The following NCALD variants were observed in gnomAD, a reference collection of about 807,000 sequenced individuals.
NCALD encodes neurocalcin-delta.
Under a neutral mutation model 18.6 loss-of-function variants are expected in NCALD, and 10 were observed. That is an observed-to-expected ratio of 0.54 (90% CI 0.33 to 0.91). NCALD has a LOEUF of 0.91. NCALD is among the 40% of genes least tolerant of loss of function. NCALD has a pLI of 0.03. For missense variants in NCALD, 184 were observed against 247.6 expected, an observed-to-expected ratio of 0.74 and a Z score of 1.72; for synonymous variants, 88 against 87.4, an observed-to-expected ratio of 1.01 and a Z score of -0.04.
intron 1 of NCALD, among the ~76,000 whole-genome samples, chr8:101,752,415 C>A (rs1239907434): frequency 2.0e-5 from 3 of 152,120 alleles, no homozygotes; most frequent in Admixed American, 6.6e-5. Context: ...TAATTAAATT[C>A]TAGTTTCTCT....
At chr8:101,824,782 A>T (rs1813862963) in intron 4 of NCALD, among the ~76,000 whole-genome samples, 1 of 152,186 alleles carries the variant, frequency 6.6e-6, no homozygotes, top group African/African-American at 2.4e-5. Context: ...CAAAATCTGA[A>T]TCCAGATCTG....
intron 2 of NCALD, among the ~76,000 whole-genome samples, chr8:102,001,962 C>T (rs1353185437): frequency 6.6e-6 from 1 of 152,202 alleles, no homozygotes; most frequent in Non-Finnish European, 1.5e-5. Context: ...GAAGAAACTA[C>T]ATCAACTAAT....
At chr8:101,994,379 C>T (rs1457526533) in intron 2 of NCALD, among the ~76,000 whole-genome samples, 1 of 152,192 alleles carries the variant, frequency 6.6e-6, no homozygotes, top group East Asian at 1.9e-4. Flanking sequence ...TCACCCCACC[C>T]CTGGCCCAGC....
chr8:101,738,559 A>AC (rs1183350390), intron 1 of NCALD, among the ~76,000 whole-genome samples: 1 of 146,816 alleles, frequency 6.8e-6, no homozygotes, highest in Non-Finnish European at 1.5e-5. Flanking sequence ...AAACAAAAAA[A>AC]AAAAAAAAAA....
At chr8:102,040,242 AC>A (rs1358875256) in intron 1 of NCALD, among the ~76,000 whole-genome samples, 2 of 152,126 alleles carry the variant, frequency 1.3e-5, no homozygotes, top group African/African-American at 4.8e-5. Flanking sequence ...TCTTATTGTA[AC>A]ATGCTACTAC....
chr8:101,801,736 G>C (rs1005980716), intron 4 of NCALD, among the ~76,000 whole-genome samples: 6 of 126,882 alleles, frequency 4.7e-5, no homozygotes, highest in Admixed American at 1.0e-4. Flanking sequence ...GCACTATCTC[G>C]GCTCACTGCA....
chr8:101,798,708 G>GA (rs1032099784), intron 4 of NCALD, among the ~76,000 whole-genome samples: 1 of 151,976 alleles, frequency 6.6e-6, no homozygotes, highest in African/African-American at 2.4e-5. Flanking sequence ...AAATAACTTT[G>GA]AAAAAAAGGA....
At chr8:101,912,645 T>TAG (rs1817841309) in intron 3 of NCALD, among the ~76,000 whole-genome samples, 1 of 152,234 alleles carries the variant, frequency 6.6e-6, no homozygotes, top group South Asian at 2.1e-4. Context: ...GCCTTTACTT[T>TAG]AGTTTGCTCA....
Position 101,849,079 on chromosome 8 carries a change from C to T in NCALD, c.-20+38062G>A, listed in dbSNP as rs567979625. ...TAGGAACATGCATGGAGTTGGAAGTCGTTTTCCTTAGCAAACGAATGCAGG... is the reference window on the plus strand; with the variant it reads ...TAGGAACATGCATGGAGTTGGAAGTTGTTTTCCTTAGCAAACGAATGCAGG... On this transcript the variant is annotated intron_variant, in intron 4 of 6. Transcript: ENST00000311028. 1.7e-4 allele frequency among the ~76,000 whole-genome samples: 26 copies of T among 152,266 alleles called. 1 individual carries two copies. The highest frequency in any genetic ancestry group is 6.3e-4 in the African/African-American group (26 of 41,562).
chr8:102,044,356 A>G (rs1823162960), intron 1 of NCALD, among the ~76,000 whole-genome samples: 1 of 151,916 alleles, frequency 6.6e-6, no homozygotes. Context: ...CATTTGGGAA[A>G]TTGCTTCTCT....
chr8:101,774,308 T>A, intron 1 of NCALD, among the ~76,000 whole-genome samples: 1 of 152,224 alleles, frequency 6.6e-6, no homozygotes. Flanking sequence ...ACAGGTGTGC[T>A]TCAGCTTAAA....
At chr8:101,737,616 A>G (rs1809985251) in intron 1 of NCALD, among the ~76,000 whole-genome samples, 1 of 152,196 alleles carries the variant, frequency 6.6e-6, no homozygotes, top group Non-Finnish European at 1.5e-5. Context: ...AGCTCGGAGG[A>G]GAATAAAAAC....
chr8:101,941,144 A>G (rs754482423), intron 2 of NCALD, among the ~76,000 whole-genome samples: 3 of 152,168 alleles, frequency 2.0e-5, no homozygotes, highest in South Asian at 2.1e-4. Context: ...ATGTTTCTCT[A>G]TCATAGACCA....
At chr8:101,921,950 ATT>A (rs56034254) in intron 2 of NCALD, among the ~76,000 whole-genome samples, 2 of 145,906 alleles carry the variant, frequency 1.4e-5, no homozygotes, top group African/African-American at 5.0e-5. Context: ...TGAAAAGTAC[ATT>A]TTTTTTTTTT....
At chr8:101,773,702 T>C (rs1811677480) in intron 1 of NCALD, among the ~76,000 whole-genome samples, 1 of 152,238 alleles carries the variant, frequency 6.6e-6, no homozygotes, top group Admixed American at 6.5e-5. Context: ...CTGATTCTTA[T>C]GTGAGACTAG....
intron 4 of NCALD, among the ~76,000 whole-genome samples, chr8:101,810,162 G>A (rs1262496740): frequency 2.6e-5 from 4 of 152,120 alleles, no homozygotes; most frequent in African/African-American, 9.7e-5. Flanking sequence ...TGTTATAATA[G>A]AGAGAGTATA....
chr8:101,872,272 T>G, intron 4 of NCALD: 1 of 1,392,208 alleles, frequency 7.2e-7, no homozygotes, highest in Non-Finnish European at 1.0e-6. Flanking sequence ...CTCCAAAACT[T>G]CTCCAAATTT....
intron 1 of NCALD, among the ~76,000 whole-genome samples, chr8:101,789,187 T>C (rs1812355310): frequency 6.6e-6 from 1 of 152,186 alleles, no homozygotes; most frequent in East Asian, 1.9e-4. Flanking sequence ...TCATCAAAGA[T>C]AGTGCTGTTA....
At chr8:102,022,280 C>T (rs1329435846) in intron 1 of NCALD, among the ~76,000 whole-genome samples, 1 of 151,990 alleles carries the variant, frequency 6.6e-6, no homozygotes, top group Non-Finnish European at 1.5e-5. Context: ...CTCTGAGTCC[C>T]CACAGAACTG....
Sources: gnomAD v4.1 joint callset for allele counts (sites outside exome capture counted in the v4.1 genomes callset) on GRCh38, gnomAD v4.1.1 for gene constraint, MANE v1.5 for transcripts, NCBI Gene and HGNC (gene_info 2026-07-23, HGNC 2026-07-21) for gene names.